ZNF782: variants seen among roughly 807,000 people sequenced by gnomAD.
ZNF782 encodes zinc finger protein 782.
ZNF782 carries 12 observed loss-of-function variants against 13.0 expected under a neutral mutation model. The observed-to-expected ratio is 0.92, with a 90% CI of 0.59 to 1.50. The LOEUF (loss-of-function observed/expected upper bound fraction) is 1.50, where lower values mean the gene tolerates loss of function less well. ZNF782 is among the 40% of genes most tolerant of loss of function. ZNF782 has a pLI of 0.00. For missense variants in ZNF782, 770 were observed against 822.9 expected (o/e 0.94, Z 0.79); for synonymous variants, 284 against 283.0 (o/e 1.00, Z -0.04).
chr9:96,827,015 G>T, intron 5 of ZNF782, 65 bp downstream of exon 5: 2 of 1,031,866 alleles, frequency 1.9e-6, no homozygotes, highest in South Asian at 1.5e-5. Context: ...ATGACTATAC[G>T]CTGAGTTGTG....
At chr9:96,827,216 T>C (rs747654044) in intron 4 of ZNF782, 35 bp from the exon 5 acceptor site, 43 of 1,470,640 alleles carry the variant, frequency 2.9e-5, no homozygotes, top group Non-Finnish European at 4.0e-5. Context: ...TTTGCATTAG[T>C]TGCATAGGTT....
chr9:96,918,185 TGA>T, the ZNF782 span, among the ~76,000 whole-genome samples: 1 of 151,106 alleles, frequency 6.6e-6, no homozygotes, highest in African/African-American at 2.4e-5. Flanking sequence ...GTGGATAACT[TGA>T]GTCAGGAGTT....
At chr9:96,930,101 C>G in the ZNF782 span, among the ~76,000 whole-genome samples, 2 of 152,168 alleles carry the variant, frequency 1.3e-5, no homozygotes, top group African/African-American at 4.8e-5. Flanking sequence ...ACAACTCTGC[C>G]TCACCTGGCC....
chr9:96,892,439 A>C, the ZNF782 span: 1 of 152,240 alleles, frequency 6.6e-6, no homozygotes, highest in Non-Finnish European at 1.5e-5. Context: ...TCACATCCTC[A>C]TGAAGGTTCG....
the ZNF782 span, among the ~76,000 whole-genome samples, chr9:96,903,601 C>T: frequency 6.6e-5 from 7 of 106,736 alleles, no homozygotes; most frequent in African/African-American, 1.1e-4. Context: ...CTAGCTCTGT[C>T]GCCCAGGCTG....
exon 1 of ZNF782, chr9:96,875,517 G>A (rs1476374215): frequency 6.6e-6 from 3 of 456,638 alleles, no homozygotes; most frequent in East Asian, 6.9e-5. Context: ...CACAGCTCGG[G>A]GTCTTGCCAC....
At position 96,817,939 on chromosome 9, in the gene ZNF782, G is replaced by C. The variant is rs1273405908; in HGVS notation, c.2084C>G (p.Ala695Gly). Reference sequence around the variant, plus strand: ...TGCATACATTTAATCCCCTGGGTGGGCTTTCTGATGTTCTCTAAGGCTTGA... The same window carrying C: ...TGCATACATTTAATCCCCTGGGTGGCCTTTCTGATGTTCTCTAAGGCTTGA... ...QKSSLREHQK[A>G]HPGD The change falls in exon 6 of 6, where the codon GCC (alanine) becomes GGC (glycine). Residue 695 changes from alanine to glycine, a missense_variant. Transcript: ENST00000481138. 1.9e-6 allele frequency: 3 copies of C among 1,567,960 alleles called. No homozygotes were observed. In the South Asian group the frequency reaches 3.6e-5, roughly 19 times the overall value.
At chr9:96,889,064 T>G in the ZNF782 span, 1 of 152,226 alleles carries the variant, frequency 6.6e-6, no homozygotes, top group African/African-American at 2.4e-5. Flanking sequence ...TTTGCAAAAC[T>G]GTGAGGCCTG....
At chr9:96,885,296 T>C in the ZNF782 span, among the ~76,000 whole-genome samples, 2 of 151,740 alleles carry the variant, frequency 1.3e-5, no homozygotes, top group Non-Finnish European at 2.9e-5. Context: ...AAACAAAAAT[T>C]ACAAAAAGAA....
At chr9:96,846,350 T>C (rs140506162) in intron 3 of ZNF782, among the ~76,000 whole-genome samples, 4 of 152,158 alleles carry the variant, frequency 2.6e-5, no homozygotes, top group Non-Finnish European at 2.9e-5. Flanking sequence ...AATATTAACA[T>C]TGAATGTAAA....
At chr9:96,877,206 T>G (rs1160619907), upstream of ZNF782, among the ~76,000 whole-genome samples, 7 of 152,130 alleles carry the variant, frequency 4.6e-5, no homozygotes, top group East Asian at 1.2e-3. Context: ...GATGATAAAT[T>G]TAAATAGTGG....
chr9:96,849,382 A>G (rs1294174196), intron 3 of ZNF782, among the ~76,000 whole-genome samples: 1 of 152,234 alleles, frequency 6.6e-6, no homozygotes, highest in Non-Finnish European at 1.5e-5. Flanking sequence ...GTGCCCTTCC[A>G]TTCCTAACAG....
At chr9:96,933,180 A>G in the ZNF782 span, among the ~76,000 whole-genome samples, 2 of 148,166 alleles carry the variant, frequency 1.3e-5, no homozygotes, top group Non-Finnish European at 1.5e-5. Flanking sequence ...GGGTTTCACC[A>G]TGTTAGCCAG....
chr9:96,892,094 G>C, the ZNF782 span: 2 of 152,318 alleles, frequency 1.3e-5, no homozygotes, highest in East Asian at 3.9e-4. Flanking sequence ...TAGGGAACAA[G>C]TGTTCTGATT....
At chr9:96,835,138 G>A (rs1406024714) in intron 4 of ZNF782, among the ~76,000 whole-genome samples, 1 of 152,202 alleles carries the variant, frequency 6.6e-6, no homozygotes, top group Non-Finnish European at 1.5e-5. Flanking sequence ...ATGGAAGGCA[G>A]AACTTAAGAG....
the ZNF782 span, among the ~76,000 whole-genome samples, chr9:96,884,156 T>C: frequency 6.6e-6 from 1 of 152,314 alleles, no homozygotes; most frequent in Admixed American, 6.5e-5. Flanking sequence ...ATCCTCTGCC[T>C]GGCAGAAGTG....
At chr9:96,919,507 G>C in the ZNF782 span, among the ~76,000 whole-genome samples, 1 of 116,648 alleles carries the variant, frequency 8.6e-6, no homozygotes, top group Admixed American at 9.4e-5. Context: ...GATAGCATCA[G>C]TGCAACTTAA....
the ZNF782 span, among the ~76,000 whole-genome samples, chr9:96,912,524 C>CT: frequency 4.0e-5 from 6 of 148,302 alleles, no homozygotes; most frequent in Non-Finnish European, 7.5e-5. Flanking sequence ...TAAAAGGCTT[C>CT]TTTTTTTTCC....
At chr9:96,876,955 AAAAAAAAAAAAAAAAAAAG>A (rs1421722527), upstream of ZNF782, among the ~76,000 whole-genome samples, 55 of 141,188 alleles carry the variant, frequency 3.9e-4, no homozygotes, top group African/African-American at 1.5e-3. Context: ...AAAAAAAAAA[AAAAAAAAAAAAAAAAAAAG>A]AAGAAGAAGA....
Sources: allele counts gnomAD v4.1 joint callset (sites outside exome capture counted in the v4.1 genomes callset), GRCh38; gene constraint gnomAD v4.1.1; transcripts MANE v1.5; gene names NCBI Gene and HGNC (gene_info 2026-07-23, HGNC 2026-07-21).